MRPL48: variants seen among roughly 807,000 people sequenced by gnomAD.
The protein encoded by MRPL48 is mitochondrial ribosomal protein L48.
A neutral mutation model predicts 32.9 loss-of-function variants in MRPL48; 16 were observed. The observed-to-expected ratio is 0.49, with a 90% confidence interval of 0.33 to 0.74. The LOEUF (loss-of-function observed/expected upper bound fraction) is 0.74, where lower values mean the gene tolerates loss of function less well. Ranked by LOEUF, MRPL48 falls within the 30% of genes least tolerant of loss-of-function variation. The pLI, the probability that MRPL48 is intolerant of heterozygous loss-of-function variation, is 0.02. For synonymous variants in MRPL48, 94 were observed against 89.2 expected (o/e 1.05, Z -0.31); for missense variants, 206 against 245.3 (o/e 0.84, Z 1.07).
At chr11:73,862,879 A>G (rs1383688885) in intron 6 of MRPL48, among the ~76,000 whole-genome samples, 1 of 152,160 alleles carries the variant, frequency 6.6e-6, no homozygotes, top group Non-Finnish European at 1.5e-5. Context: ...TGATTGTTCT[A>G]CTGCGCTCCA....
intron 5 of MRPL48, among the ~76,000 whole-genome samples, chr11:73,857,869 A>G (rs1948513318): frequency 1.3e-5 from 2 of 152,110 alleles, no homozygotes; most frequent in Non-Finnish European, 2.9e-5. Context: ...CTGGGATTAC[A>G]GGCTTGAGCC....
At chr11:73,795,540 T>C (rs1364292349) in intron 1 of MRPL48, among the ~76,000 whole-genome samples, 1 of 151,884 alleles carries the variant, frequency 6.6e-6, no homozygotes, top group African/African-American at 2.4e-5. Flanking sequence ...AGACCGAGTC[T>C]CTGTCACCCA....
intron 3 of MRPL48, among the ~76,000 whole-genome samples, chr11:73,818,450 A>C (rs562934765): frequency 4.6e-5 from 7 of 152,392 alleles, no homozygotes. Context: ...TAATTAGAAC[A>C]ACTGAAAGAA....
At chr11:73,851,095 C>T in intron 5 of MRPL48, 1 of 495,580 alleles carries the variant, frequency 2.0e-6, no homozygotes, top group Non-Finnish European at 4.1e-6. Flanking sequence ...CTGTTAGAAC[C>T]TTAGTGTTTA....
intron 5 of MRPL48, among the ~76,000 whole-genome samples, chr11:73,849,901 C>G (rs1167339101): frequency 6.6e-6 from 1 of 152,142 alleles, no homozygotes; most frequent in Non-Finnish European, 1.5e-5. Context: ...AGTTTGAGAC[C>G]AGCCTGGGCA....
At chr11:73,861,011 A>G (rs1184634368) in intron 6 of MRPL48, among the ~76,000 whole-genome samples, 1 of 152,148 alleles carries the variant, frequency 6.6e-6, no homozygotes. Flanking sequence ...TTCAAGGTTC[A>G]TCTCTGTTGT....
At chr11:73,856,077 T>C (rs147502198) in intron 5 of MRPL48, among the ~76,000 whole-genome samples, 1 of 152,312 alleles carries the variant, frequency 6.6e-6, no homozygotes, top group Non-Finnish European at 1.5e-5. Flanking sequence ...ACAGACTTGT[T>C]GATTTGGATT....
chr11:73,794,409 G>T (rs190950101), intron 1 of MRPL48, among the ~76,000 whole-genome samples: 5 of 151,670 alleles, frequency 3.3e-5, no homozygotes, highest in African/African-American at 1.2e-4. Context: ...TACAAAATTA[G>T]CTGGGCGTGG....
At chr11:73,847,733 C>T (rs560314672) in intron 5 of MRPL48, among the ~76,000 whole-genome samples, 4 of 152,032 alleles carry the variant, frequency 2.6e-5, no homozygotes, top group South Asian at 2.1e-4. Flanking sequence ...TGTGAGCCAC[C>T]GGGCCTGGCC....
intron 4 of MRPL48, among the ~76,000 whole-genome samples, chr11:73,834,839 T>G (rs1948067734): frequency 6.6e-6 from 1 of 150,896 alleles, no homozygotes; most frequent in Non-Finnish European, 1.5e-5. Context: ...CTGGCCTGTT[T>G]TTTTTTTTTT....
intron 3 of MRPL48, chr11:73,817,883 C>G: frequency 3.2e-6 from 1 of 311,466 alleles, no homozygotes; most frequent in Non-Finnish European, 6.6e-6. Context: ...TAGCTCCCTG[C>G]AGCCTCGAAC....
At chr11:73,794,946 C>T (rs139207730) in intron 1 of MRPL48, among the ~76,000 whole-genome samples, 2,674 of 145,414 alleles carry the variant, frequency 0.018, 30 homozygotes, top group Middle Eastern at 0.032. Flanking sequence ...AGTCTTGCTC[C>T]GTCGCCCAGG....
intron 3 of MRPL48, among the ~76,000 whole-genome samples, chr11:73,823,414 T>A (rs1204600547): frequency 3.9e-5 from 6 of 152,148 alleles, no homozygotes; most frequent in African/African-American, 1.4e-4. Flanking sequence ...ATACACATGT[T>A]ATCCTTTAAC....
intron 1 of MRPL48, among the ~76,000 whole-genome samples, chr11:73,795,489 A>T (rs1947238201): frequency 6.6e-6 from 1 of 151,914 alleles, no homozygotes; most frequent in Non-Finnish European, 1.5e-5. Flanking sequence ...TAATTAAAAA[A>T]TATAATTCAT....
At chr11:73,799,427 G>A (rs1020265568) in intron 1 of MRPL48, among the ~76,000 whole-genome samples, 2 of 152,160 alleles carry the variant, frequency 1.3e-5, no homozygotes, top group Admixed American at 6.6e-5. Context: ...TGTAATAGCC[G>A]ACTTGCTTTG....
At chr11:73,800,593 A>G (rs1215494794) in intron 1 of MRPL48, among the ~76,000 whole-genome samples, 1 of 152,040 alleles carries the variant, frequency 6.6e-6, no homozygotes, top group Non-Finnish European at 1.5e-5. Flanking sequence ...TGGCGTCACC[A>G]TCCTCCTCTT....
chr11:73,818,890 A>C (rs1322478510), intron 3 of MRPL48, among the ~76,000 whole-genome samples: 1 of 152,238 alleles, frequency 6.6e-6, no homozygotes, highest in Non-Finnish European at 1.5e-5. Flanking sequence ...ATGTCATTGC[A>C]TGATTACATC....
At chr11:73,804,836 G>A (rs1461109387) in intron 1 of MRPL48, among the ~76,000 whole-genome samples, 191 bp from the exon 2 acceptor site, 1 of 152,170 alleles carries the variant, frequency 6.6e-6, no homozygotes, top group Non-Finnish European at 1.5e-5. Flanking sequence ...TTACTGTAGT[G>A]GGTGGAATGA....
At chr11:73,805,825 G>A (rs576303524) in intron 2 of MRPL48, among the ~76,000 whole-genome samples, 4 of 150,546 alleles carry the variant, frequency 2.7e-5, no homozygotes, top group Admixed American at 6.6e-5. Flanking sequence ...TGCCCCATTC[G>A]TTTTTGTATT....
Sources: allele counts gnomAD v4.1 joint callset (sites outside exome capture counted in the v4.1 genomes callset), GRCh38; gene constraint gnomAD v4.1.1; transcripts MANE v1.5; gene names NCBI Gene and HGNC (gene_info 2026-07-23, HGNC 2026-07-21).